Variants in GPM6A observed in about 807,000 individuals in gnomAD.
GPM6A encodes glycoprotein M6A, also known as neuronal membrane glycoprotein M6-a.
GPM6A carries 7 observed loss-of-function variants against 32.1 expected under a neutral mutation model. The observed-to-expected ratio is 0.22, with a 90% CI of 0.12 to 0.41. GPM6A has a LOEUF of 0.41. Among genes scored for constraint, GPM6A ranks in the 10% least tolerant of loss-of-function variants. GPM6A has a pLI of 1.00. For synonymous variants in GPM6A, 130 were observed against 123.4 expected (o/e 1.05, Z -0.35); for missense variants, 235 against 347.2 (o/e 0.68, Z 2.57).
intron 1 of GPM6A, among the ~76,000 whole-genome samples, chr4:175,979,365 C>T (rs1436631497): frequency 6.6e-6 from 1 of 152,138 alleles, no homozygotes; most frequent in Admixed American, 6.5e-5. Context: ...TCAATTATTC[C>T]GTTCTTAAGT....
At chr4:175,678,965 A>G (rs1743530265) in intron 2 of GPM6A, among the ~76,000 whole-genome samples, 1 of 152,184 alleles carries the variant, frequency 6.6e-6, no homozygotes, top group Non-Finnish European at 1.5e-5. Context: ...ATATATCTGA[A>G]CATAGAGAAC....
chr4:175,766,378 G>C (rs1358139530), intron 1 of GPM6A, among the ~76,000 whole-genome samples: 1 of 152,146 alleles, frequency 6.6e-6, no homozygotes, highest in African/African-American at 2.4e-5. Flanking sequence ...CATTCGCTCA[G>C]TAAAATAAGC....
chr4:175,912,276 T>A (rs1738345048), intron 1 of GPM6A, among the ~76,000 whole-genome samples: 1 of 152,186 alleles, frequency 6.6e-6, no homozygotes. Flanking sequence ...GTATTCAATA[T>A]ACAAGGAAGA....
intron 1 of GPM6A, among the ~76,000 whole-genome samples, chr4:175,796,149 A>ATG (rs1734218233): frequency 1.3e-5 from 2 of 152,146 alleles, no homozygotes; most frequent in South Asian, 4.1e-4. Context: ...AAGCTTTATA[A>ATG]TGTAGTCTGC....
At chr4:175,779,768 G>A (rs773216781) in intron 1 of GPM6A, among the ~76,000 whole-genome samples, 23 of 151,588 alleles carry the variant, frequency 1.5e-4, no homozygotes, top group African/African-American at 3.6e-4. Flanking sequence ...TGTTGGTAGC[G>A]TGATTGTTAG....
At chr4:175,837,729 C>G (rs1735811172) in intron 1 of GPM6A, among the ~76,000 whole-genome samples, 1 of 152,150 alleles carries the variant, frequency 6.6e-6, no homozygotes. Flanking sequence ...AACCAATGAT[C>G]CCTCTTCTCT....
At chr4:175,879,500 T>A (rs1737199223) in intron 1 of GPM6A, among the ~76,000 whole-genome samples, 1 of 152,112 alleles carries the variant, frequency 6.6e-6, no homozygotes, top group African/African-American at 2.4e-5. Flanking sequence ...AGAATGAGTG[T>A]CAAGTGAAAG....
intron 1 of GPM6A, among the ~76,000 whole-genome samples, chr4:175,877,546 G>C (rs1316263193): frequency 6.6e-6 from 1 of 152,132 alleles, no homozygotes; most frequent in Non-Finnish European, 1.5e-5. Flanking sequence ...AATTAGTCTT[G>C]AGTGAAAGGG....
intron 3 of GPM6A, among the ~76,000 whole-genome samples, chr4:175,652,579 A>G (rs1372142171): frequency 1.3e-5 from 2 of 151,858 alleles, no homozygotes; most frequent in Non-Finnish European, 2.9e-5. Context: ...ATATACACTT[A>G]TATATGGTAA....
chr4:175,784,648 G>A (rs573309846), intron 1 of GPM6A, among the ~76,000 whole-genome samples: 6 of 152,134 alleles, frequency 3.9e-5, no homozygotes, highest in Non-Finnish European at 7.4e-5. Context: ...TAATGAACTC[G>A]TCAAAAACAA....
intron 2 of GPM6A, among the ~76,000 whole-genome samples, chr4:175,682,249 A>T (rs185014326): frequency 6.6e-6 from 1 of 152,348 alleles, no homozygotes; most frequent in Non-Finnish European, 1.5e-5. Context: ...CTAAGCTGCT[A>T]AGTATTTGCA....
At chr4:175,940,687 C>T (rs1411308960) in intron 1 of GPM6A, among the ~76,000 whole-genome samples, 5 of 152,114 alleles carry the variant, frequency 3.3e-5, no homozygotes, top group Non-Finnish European at 7.3e-5. Flanking sequence ...CGGCTCACTG[C>T]AACCTCCGCC....
intron 3 of GPM6A, among the ~76,000 whole-genome samples, chr4:175,670,967 G>T (rs1012307342): frequency 1.3e-5 from 2 of 150,620 alleles, no homozygotes; most frequent in Admixed American, 6.7e-5. Context: ...GGGTTCAAGC[G>T]ATTCTCCTGC....
chr4:176,002,182 A>T, intron 1 of GPM6A: 3 of 1,045,110 alleles, frequency 2.9e-6, no homozygotes, highest in Non-Finnish European at 1.4e-6. Context: ...GGGGGACGCC[A>T]GGCGCGGGGG....
At chr4:175,765,794 T>C (rs2111220632) in intron 1 of GPM6A, among the ~76,000 whole-genome samples, 1 of 152,300 alleles carries the variant, frequency 6.6e-6, no homozygotes, top group South Asian at 2.1e-4. Context: ...GGCTCTCTTT[T>C]CATATTGCCC....
At chr4:175,645,594 G>A (rs1318294611) in intron 4 of GPM6A, among the ~76,000 whole-genome samples, 2 of 152,192 alleles carry the variant, frequency 1.3e-5, no homozygotes, top group East Asian at 3.9e-4. Flanking sequence ...GGTGGCACAC[G>A]CCTGTAATCC....
intron 4 of GPM6A, among the ~76,000 whole-genome samples, chr4:175,648,717 T>C (rs1741614793): frequency 6.6e-6 from 1 of 152,162 alleles, no homozygotes; most frequent in Non-Finnish European, 1.5e-5. Context: ...TCTTGGCCCC[T>C]TTTCTCCATC....
chr4:175,880,330 A>G (rs1349790052), intron 1 of GPM6A, among the ~76,000 whole-genome samples: 2 of 152,162 alleles, frequency 1.3e-5, no homozygotes, highest in Non-Finnish European at 2.9e-5. Flanking sequence ...TGATGCCTCC[A>G]GCTTTGTTCT....
chr4:175,723,994 C>T (rs1478169108), intron 1 of GPM6A, among the ~76,000 whole-genome samples: 1 of 152,104 alleles, frequency 6.6e-6, no homozygotes, highest in Non-Finnish European at 1.5e-5. Context: ...AATCAGTATA[C>T]CTATGAGATT....
Sources: allele counts gnomAD v4.1 joint callset (sites outside exome capture counted in the v4.1 genomes callset), GRCh38; gene constraint gnomAD v4.1.1; transcripts MANE v1.5; gene names NCBI Gene and HGNC (gene_info 2026-07-23, HGNC 2026-07-21).